PKIB: variants seen among roughly 807,000 people sequenced by gnomAD.
The protein encoded by PKIB is cAMP-dependent protein kinase inhibitor beta, also known as PKI-beta.
PKIB carries 2 observed loss-of-function variants against 4.5 expected under a neutral mutation model. The observed-to-expected ratio is 0.44, with a 90% confidence interval of 0.18 to 1.39. The LOEUF (loss-of-function observed/expected upper bound fraction) is 1.39, where lower values mean the gene tolerates loss of function less well. Among genes scored for constraint, PKIB ranks in the 40% most tolerant of loss-of-function variants. PKIB has a pLI of 0.27. For missense variants in PKIB, 94 were observed against 92.6 expected (o/e 1.02, Z -0.06); for synonymous variants, 38 against 36.0 (o/e 1.06, Z -0.20).
At chr6:122,477,757 T>C (rs1478305359) in intron 1 of PKIB, 1 of 152,232 alleles carries the variant, frequency 6.6e-6, no homozygotes, top group East Asian at 1.9e-4. Flanking sequence ...CCACTGACTG[T>C]ATTGTCCATT....
intron 2 of PKIB, among the ~76,000 whole-genome samples, chr6:122,583,969 A>G (rs1200696172): frequency 6.6e-6 from 1 of 152,084 alleles, no homozygotes; most frequent in Non-Finnish European, 1.5e-5. Context: ...GGGAGTGTCT[A>G]ACTTGGGAAG....
intron 2 of PKIB, among the ~76,000 whole-genome samples, chr6:122,653,584 C>G (rs1019185396): frequency 1.3e-5 from 2 of 150,230 alleles, no homozygotes; most frequent in African/African-American, 2.5e-5. Context: ...GAAACATGTA[C>G]TTTATTCTCT....
At chr6:122,554,508 T>C (rs1315112775) in intron 2 of PKIB, among the ~76,000 whole-genome samples, 1 of 152,198 alleles carries the variant, frequency 6.6e-6, no homozygotes, top group Admixed American at 6.5e-5. Context: ...GAATAGTGCT[T>C]GTACTCACTT....
At chr6:122,682,412 A>G (rs921351048) in intron 3 of PKIB, among the ~76,000 whole-genome samples, 1 of 152,168 alleles carries the variant, frequency 6.6e-6, no homozygotes, top group African/African-American at 2.4e-5. Flanking sequence ...TGCTACCATT[A>G]TCTAAATGTA....
At chr6:122,596,325 A>T (rs1774175240) in intron 3 of PKIB, among the ~76,000 whole-genome samples, 1 of 152,160 alleles carries the variant, frequency 6.6e-6, no homozygotes, top group Non-Finnish European at 1.5e-5. Flanking sequence ...ACTCCCCATG[A>T]GGCCATCGGT....
Position 122,647,797 on chromosome 6 carries a change from A to G in PKIB, c.-76+14430A>G, listed in dbSNP as rs188160187. 4.6e-5 allele frequency among the ~76,000 whole-genome samples: 7 copies of G among 152,334 alleles called. No individual in the cohort carries two copies. The East Asian group carries it at 1.2e-3, about 25-fold the overall frequency. The stretch of plus-strand genomic sequence containing the variant: ...AACTGGCCATGTGGTCAATGCTGGT[A>G]TTTATGATTCCCTTCTTCCATTACC... On this transcript the variant is annotated intron_variant, in intron 2 of 4. Coordinates refer to ENST00000368452, the MANE Select transcript of PKIB (RefSeq NM_181795.3).
chr6:122,675,787 C>T (rs1230891295), intron 3 of PKIB, among the ~76,000 whole-genome samples: 1 of 151,594 alleles, frequency 6.6e-6, no homozygotes, highest in Admixed American at 6.6e-5. Context: ...TTAGAAGAAA[C>T]TGTAAGTGAA....
At chr6:122,473,028 T>A (rs1775349915) in intron 1 of PKIB, among the ~76,000 whole-genome samples, 1 of 152,134 alleles carries the variant, frequency 6.6e-6, no homozygotes, top group Non-Finnish European at 1.5e-5. Flanking sequence ...GGAGAACTGC[T>A]TGAACCCGGG....
intron 3 of PKIB, among the ~76,000 whole-genome samples, chr6:122,714,684 G>A (rs1441828801): frequency 1.3e-5 from 2 of 152,134 alleles, no homozygotes; most frequent in Non-Finnish European, 2.9e-5. Context: ...TGAGGGTGGA[G>A]GGTGGGAGGT....
At chr6:122,692,309 C>T (rs1778389403) in intron 3 of PKIB, among the ~76,000 whole-genome samples, 1 of 152,180 alleles carries the variant, frequency 6.6e-6, no homozygotes, top group Admixed American at 6.5e-5. Flanking sequence ...TGAGTGAATT[C>T]AGAGATGTCA....
chr6:122,633,906 G>A (rs1279562150), intron 2 of PKIB, among the ~76,000 whole-genome samples: 2 of 150,810 alleles, frequency 1.3e-5, no homozygotes, highest in African/African-American at 4.9e-5. Flanking sequence ...GTTTTTGTGT[G>A]CTGGTATCTC....
chr6:122,630,964 A>G (rs1775675199), intron 1 of PKIB, among the ~76,000 whole-genome samples: 1 of 152,188 alleles, frequency 6.6e-6, no homozygotes. Flanking sequence ...GAAGGAGAGG[A>G]AAGCATGGAT....
intron 1 of PKIB, among the ~76,000 whole-genome samples, chr6:122,628,288 C>T (rs1227483162): frequency 6.6e-6 from 1 of 152,182 alleles, no homozygotes; most frequent in African/African-American, 2.4e-5. Context: ...CCGCCTACCT[C>T]GGCCTCCCAA....
upstream of PKIB, among the ~76,000 whole-genome samples, chr6:122,608,786 A>G (rs796950194): frequency 1.1e-4 from 17 of 152,168 alleles, no homozygotes; most frequent in African/African-American, 4.1e-4. Flanking sequence ...TCTCACATTG[A>G]TCCCAAAATA....
In PKIB at chr6:122,576,137, A is replaced by G. The variant is rs1773522565; in HGVS notation, c.-247-9784A>G. On this transcript the variant is annotated intron_variant, in intron 2 of 6. Transcript: ENST00000392491. ...CATTTTGAGATTATGGAAATGTCCT[A>G]TAACTTGATGGTGATGATGATTACA... 3.9e-5 allele frequency among the ~76,000 whole-genome samples: 6 copies of G among 152,232 alleles called. 1 individual carries two copies. The South Asian group carries it at 1.0e-3, about 26-fold the overall frequency.
intron 3 of PKIB, among the ~76,000 whole-genome samples, chr6:122,676,172 T>C (rs1011461510): frequency 6.6e-6 from 1 of 151,472 alleles, no homozygotes; most frequent in Admixed American, 6.6e-5. Context: ...TGGGAAACAG[T>C]GACAGATCAT....
intron 2 of PKIB, among the ~76,000 whole-genome samples, chr6:122,663,281 G>A (rs1052385781): frequency 1.3e-5 from 2 of 152,108 alleles, no homozygotes; most frequent in African/African-American, 4.8e-5. Context: ...TACACATTTA[G>A]GGATGCTCTA....
At chr6:122,678,181 A>G (rs1777761552) in intron 3 of PKIB, among the ~76,000 whole-genome samples, 1 of 152,176 alleles carries the variant, frequency 6.6e-6, no homozygotes, top group African/African-American at 2.4e-5. Flanking sequence ...TACAGGCATG[A>G]GCAAAACCAG....
chr6:122,561,952 C>G (rs532218911), intron 2 of PKIB, among the ~76,000 whole-genome samples: 1 of 137,068 alleles, frequency 7.3e-6, no homozygotes, highest in Non-Finnish European at 1.5e-5. Context: ...TTGCGTTCAT[C>G]ATGCTCTTTG....
Sources: gnomAD v4.1 joint callset for allele counts (sites outside exome capture counted in the v4.1 genomes callset) on GRCh38, gnomAD v4.1.1 for gene constraint, MANE v1.5 for transcripts, NCBI Gene and HGNC (gene_info 2026-07-23, HGNC 2026-07-21) for gene names.